Variants in TRPC1 observed in about 807,000 individuals in gnomAD.
TRPC1 encodes transient receptor potential cation channel subfamily C member 1, also known as short transient receptor potential channel 1.
TRPC1 carries 42 observed loss-of-function variants against 88.2 expected under a neutral mutation model. The ratio of observed to expected loss-of-function variants is 0.48; its 90% CI spans 0.37 to 0.62. The LOEUF (loss-of-function observed/expected upper bound fraction) is 0.62, where lower values mean the gene tolerates loss of function less well. TRPC1 is among the 20% of genes least tolerant of loss of function. TRPC1 has a pLI of 0.00. For synonymous variants in TRPC1, 288 were observed against 331.8 expected (o/e 0.87, Z 1.43); for missense variants, 699 against 957.3 (o/e 0.73, Z 3.56).
chr3:142,786,622 A>G (rs1204478957), intron 7 of TRPC1, among the ~76,000 whole-genome samples: 1 of 152,132 alleles, frequency 6.6e-6, no homozygotes, highest in African/African-American at 2.4e-5. Flanking sequence ...ATGGTTTTAT[A>G]TTGGACTGTG....
At chr3:142,766,794 G>A (rs141700359) in intron 4 of TRPC1, among the ~76,000 whole-genome samples, 101 of 152,210 alleles carry the variant, frequency 6.6e-4, no homozygotes, top group South Asian at 4.2e-3. Context: ...GGCCTATTGA[G>A]GGACCTTGTG....
At position 142,724,889 on chromosome 3, in the gene TRPC1, C is replaced by T. The variant is rs556713847; in HGVS notation, c.172+158C>T. On this transcript the variant is annotated intron_variant, in intron 1 of 12. Transcript: ENST00000476941. The surrounding 1 kb of genome is among the most constrained non-coding windows in gnomAD (Gnocchi z 5.6). ...TCAGGCGGTCTTCTCCTCACCGCCT[C>T]TGCCCTGTGAGTGTGGAGCTGGCGG... Among the ~76,000 whole-genome samples, 1 of 152,354 alleles carries T rather than the reference C, an allele frequency of 6.6e-6. No homozygotes were observed. The highest frequency in any genetic ancestry group is 1.9e-4 in the East Asian group (1 of 5,168).
rs1560117267 is a variant in TRPC1 at position 142,792,987 on chromosome 3, TAAAG to T, written c.1581+23_1581+26del. The T allele has an allele frequency of 4.5e-6, 7 of 1,560,344 alleles. No homozygotes were observed. The highest frequency in any genetic ancestry group is 1.7e-4 in the Middle Eastern group (1 of 5,776). On this transcript the variant is annotated intron_variant, in intron 9 of 12. Coordinates refer to ENST00000476941, the MANE Select transcript of TRPC1 (RefSeq NM_001251845.2). The surrounding 1 kb of genome is among the most constrained non-coding windows in gnomAD (Gnocchi z 4.0). ...TTACAGGTAAATAATTAAAATTTCT[TAAAG>T]AACATTTTTTAGATGTCATTATTGT...
intron 10 of TRPC1, 81 bp from the exon 11 acceptor site, chr3:142,803,896 A>G: frequency 7.3e-7 from 1 of 1,375,146 alleles, no homozygotes; most frequent in East Asian, 2.5e-5. Flanking sequence ...TTTTATTTAA[A>G]TAATTTTGAT....
At chr3:142,755,247 A>C (rs1250976921) in intron 4 of TRPC1, among the ~76,000 whole-genome samples, 2 of 152,084 alleles carry the variant, frequency 1.3e-5, no homozygotes, top group South Asian at 4.1e-4. Flanking sequence ...ACATGGTGAA[A>C]ACCCATCTCT....
chr3:142,770,379 G>A lies in TRPC1; in HGVS notation c.633-7253G>A, dbSNP rs566971596. 1.6e-3 allele frequency among the ~76,000 whole-genome samples: 246 copies of A among 152,276 alleles called. 1 individual carries two copies. The highest frequency in any genetic ancestry group is 5.7e-3 in the African/African-American group (235 of 41,568). On this transcript the variant is annotated intron_variant, in intron 4 of 12. Coordinates refer to ENST00000476941, the MANE Select transcript of TRPC1 (RefSeq NM_001251845.2). Reference sequence around the variant, plus strand: ...CCCAAATTGCTAGGAATACAGGCGTGAGCCGCTGTGCCCAGCCATATACAT... The same window carrying A: ...CCCAAATTGCTAGGAATACAGGCGTAAGCCGCTGTGCCCAGCCATATACAT...
chr3:142,756,920 A>G (rs1443145736), intron 4 of TRPC1, among the ~76,000 whole-genome samples: 3 of 152,152 alleles, frequency 2.0e-5, no homozygotes, highest in Admixed American at 2.0e-4. Flanking sequence ...GGTAGCCACC[A>G]GTCTACTCTC....
At chr3:142,803,272 C>T (rs961368982) in intron 10 of TRPC1, among the ~76,000 whole-genome samples, 13 of 152,044 alleles carry the variant, frequency 8.6e-5, no homozygotes, top group African/African-American at 3.1e-4. Context: ...GAGCAAGCCA[C>T]GAAGAACATT....
chr3:142,730,678 C>T (rs1031060391), intron 1 of TRPC1, among the ~76,000 whole-genome samples: 1 of 147,968 alleles, frequency 6.8e-6, no homozygotes, highest in African/African-American at 2.5e-5. Context: ...ACATTTTTAT[C>T]AGTATTGTCA....
intron 3 of TRPC1, among the ~76,000 whole-genome samples, chr3:142,744,099 C>T (rs1484615055): frequency 6.6e-6 from 1 of 151,924 alleles, no homozygotes. Flanking sequence ...CAGCATATAT[C>T]ATAAATTAAT....
chr3:142,778,705 A>G (rs1195279435), intron 5 of TRPC1, among the ~76,000 whole-genome samples: 2 of 152,140 alleles, frequency 1.3e-5, no homozygotes, highest in Non-Finnish European at 2.9e-5. Context: ...ACACTCTTTC[A>G]GTGACTTGAC....
At chr3:142,741,623 C>T (rs1032950555) in intron 2 of TRPC1, among the ~76,000 whole-genome samples, 1 of 151,876 alleles carries the variant, frequency 6.6e-6, no homozygotes, top group Non-Finnish European at 1.5e-5. Flanking sequence ...TTTAATCTTG[C>T]TATTCTTTTA....
At chr3:142,738,699 G>A (rs904995952) in intron 2 of TRPC1, among the ~76,000 whole-genome samples, 1 of 152,098 alleles carries the variant, frequency 6.6e-6, no homozygotes, top group African/African-American at 2.4e-5. Context: ...CAAAATTTCA[G>A]TAGTGCTGCT....
At chr3:142,737,855 G>A (rs1934197286) in intron 2 of TRPC1, among the ~76,000 whole-genome samples, 2 of 152,132 alleles carry the variant, frequency 1.3e-5, no homozygotes, top group African/African-American at 4.8e-5. Flanking sequence ...GTTTGTGTAT[G>A]TGCGTTTGTG....
chr3:142,734,395 G>A (rs1401494306), intron 1 of TRPC1, among the ~76,000 whole-genome samples: 2 of 152,226 alleles, frequency 1.3e-5, no homozygotes, highest in East Asian at 3.9e-4. Flanking sequence ...GGAGGAATGT[G>A]AATGGAAGCT....
At chr3:142,789,319 C>T (rs369552542) in intron 7 of TRPC1, among the ~76,000 whole-genome samples, 2 of 152,060 alleles carry the variant, frequency 1.3e-5, no homozygotes, top group African/African-American at 4.8e-5. Context: ...CCAAATAAAA[C>T]AGTATTTGAG....
Position 142,727,433 on chromosome 3 carries a change from A to G in TRPC1, c.172+2702A>G, listed in dbSNP as rs368384152. 3.9e-5 allele frequency among the ~76,000 whole-genome samples: 6 copies of G among 152,242 alleles called. 1 individual carries two copies. In the East Asian group the frequency reaches 1.2e-3, roughly 29 times the overall value. On this transcript the variant is annotated intron_variant, in intron 1 of 12. Transcript: ENST00000476941. The stretch of plus-strand genomic sequence containing the variant: ...GCCCTTTGAAAGATGTGTACAGATT[A>G]AAGAGTACAATAAATGTAGGAAAGA...
intron 9 of TRPC1, 69 bp from the exon 10 acceptor site, chr3:142,802,100 G>T: frequency 9.1e-7 from 1 of 1,096,200 alleles, no homozygotes; most frequent in East Asian, 2.8e-5. Context: ...TTTTGTTGCT[G>T]GGTCATTTAT....
At chr3:142,746,789 C>T (rs926428145) in intron 3 of TRPC1, among the ~76,000 whole-genome samples, 1 of 151,484 alleles carries the variant, frequency 6.6e-6, no homozygotes, top group African/African-American at 2.4e-5. Flanking sequence ...GGCCGGGAGG[C>T]GGAGCTTTCA....
Sources: allele counts gnomAD v4.1 joint callset (sites outside exome capture counted in the v4.1 genomes callset), GRCh38; gene constraint gnomAD v4.1.1; non-coding constraint Gnocchi (gnomAD v3.1); transcripts MANE v1.5; gene names NCBI Gene and HGNC (gene_info 2026-07-23, HGNC 2026-07-21).